The following TNFSF11 variants were observed in gnomAD, a reference collection of about 807,000 sequenced individuals.
The protein encoded by TNFSF11 is tumor necrosis factor ligand superfamily member 11.
A neutral mutation model predicts 32.2 loss-of-function variants in TNFSF11; 12 were observed. The ratio of observed to expected loss-of-function variants is 0.37; its 90% confidence interval spans 0.24 to 0.60. TNFSF11 has a LOEUF of 0.60. Ranked by LOEUF, TNFSF11 falls within the 20% of genes least tolerant of loss-of-function variation. The pLI, the probability that TNFSF11 is intolerant of heterozygous loss-of-function variation, is 0.66. For missense variants in TNFSF11, 345 were observed against 398.0 expected (o/e 0.87, Z 1.13); for synonymous variants, 172 against 152.1 (o/e 1.13, Z -0.96).
At chr13:42,584,209 G>C (rs1451899399) in intron 2 of TNFSF11, among the ~76,000 whole-genome samples, 3 of 152,162 alleles carry the variant, frequency 2.0e-5, no homozygotes, top group Non-Finnish European at 4.4e-5. Context: ...CAAATCCATG[G>C]AAGAGAACAA....
chr13:42,569,686 G>C (rs1385234689), upstream of TNFSF11, among the ~76,000 whole-genome samples: 1 of 152,182 alleles, frequency 6.6e-6, no homozygotes, highest in Admixed American at 6.5e-5. Flanking sequence ...AGGAACCAAG[G>C]AATTTAGGTG....
At chr13:42,596,502 G>A (rs185090788) in intron 2 of TNFSF11, among the ~76,000 whole-genome samples, 35 of 152,274 alleles carry the variant, frequency 2.3e-4, no homozygotes. Flanking sequence ...ACGATGGCTT[G>A]TAAAAGGATA....
At chr13:42,594,305 C>T (rs1454285362) in intron 2 of TNFSF11, among the ~76,000 whole-genome samples, 1 of 151,982 alleles carries the variant, frequency 6.6e-6, no homozygotes, top group African/African-American at 2.4e-5. Flanking sequence ...TGGTCTTGAA[C>T]TCCTGGCCTG....
intron 1 of TNFSF11, chr13:42,563,043 T>A (rs1872728158): frequency 6.6e-6 from 1 of 152,096 alleles, no homozygotes; most frequent in Admixed American, 6.5e-5. Context: ...ATGTTTCCAG[T>A]GGGAAAATCT....
chr13:42,574,554 T>G (rs1873213839), intron 1 of TNFSF11, 32 bp downstream of exon 1: 1 of 1,595,828 alleles, frequency 6.3e-7, no homozygotes. Flanking sequence ...GGATCGCGGC[T>G]GAGAGCGCCC....
At chr13:42,594,624 A>G (rs1276696145) in intron 2 of TNFSF11, among the ~76,000 whole-genome samples, 7 of 152,292 alleles carry the variant, frequency 4.6e-5, no homozygotes, top group African/African-American at 1.7e-4. Context: ...TTATTCTTAC[A>G]CAGTACCATC....
chr13:42,596,013 A>G (rs1413008818), intron 2 of TNFSF11, among the ~76,000 whole-genome samples: 1 of 152,208 alleles, frequency 6.6e-6, no homozygotes, highest in Non-Finnish European at 1.5e-5. Flanking sequence ...GGAATTGTCA[A>G]TTGGGGTGAA....
At chr13:42,569,772 T>G (rs549594580), upstream of TNFSF11, among the ~76,000 whole-genome samples, 170 of 152,166 alleles carry the variant, frequency 1.1e-3, no homozygotes, top group Admixed American at 3.3e-3. Context: ...TGACTTCCTT[T>G]TTCATTTTCA....
rs746686599 is a variant in TNFSF11, at chr13:42,606,725, C to T, written c.761C>T (p.Thr254Ile). ...AGCATCAAAATCCCAAGTTCTCATA[C>T]CCTGATGAAAGGAGGAAGCACCAAG... ...KTSIKIPSSH[T>I]LMKGGSTKYW... Residue 254 changes from threonine (T) to isoleucine (I), a missense_variant, in exon 5 of 5, where the codon ACC (threonine) becomes ATC (isoleucine). Transcript: ENST00000398795. The T allele has an allele frequency of 1.1e-5, 17 of 1,614,058 alleles. No homozygotes were observed. In the South Asian group the frequency reaches 1.5e-4, roughly 15 times the overall value.
intron 1 of TNFSF11, among the ~76,000 whole-genome samples, chr13:42,577,024 T>C (rs751963439): frequency 1.3e-5 from 2 of 152,342 alleles, no homozygotes; most frequent in South Asian, 2.1e-4. Context: ...CTCTTTTGGA[T>C]TGGAACTTGG....
At chr13:42,600,103 T>C (rs376541457) in intron 2 of TNFSF11, among the ~76,000 whole-genome samples, 32 of 152,324 alleles carry the variant, frequency 2.1e-4, no homozygotes, top group Admixed American at 9.2e-4. Flanking sequence ...ATTCTCAGGG[T>C]TCAAATTGAG....
chr13:42,599,566 GT>G (rs1171270451), intron 2 of TNFSF11, among the ~76,000 whole-genome samples: 1 of 150,750 alleles, frequency 6.6e-6, no homozygotes, highest in East Asian at 2.0e-4. Context: ...TTTGTTTTTT[GT>G]TTTTGTTTTT....
intron 2 of TNFSF11, among the ~76,000 whole-genome samples, chr13:42,594,405 G>GA (rs947851761): frequency 3.8e-4 from 56 of 146,434 alleles, no homozygotes; most frequent in South Asian, 2.6e-3. Flanking sequence ...TTTGTAAGTT[G>GA]AAAAAAAAAA....
At chr13:42,599,365 T>TATC (rs1187530800) in intron 2 of TNFSF11, among the ~76,000 whole-genome samples, 1 of 151,402 alleles carries the variant, frequency 6.6e-6, no homozygotes, top group Non-Finnish European at 1.5e-5. Flanking sequence ...TCTATCTATC[T>TATC]ATCTATCTAT....
intron 2 of TNFSF11, 41 bp from the exon 3 acceptor site, chr13:42,600,711 A>G: frequency 6.4e-7 from 1 of 1,564,354 alleles, no homozygotes; most frequent in Non-Finnish European, 8.7e-7. Context: ...TTACAGAAAG[A>G]ATGATTTTAT....
intron 4 of TNFSF11, among the ~76,000 whole-genome samples, chr13:42,604,345 C>G (rs1258068738): frequency 1.3e-5 from 2 of 152,184 alleles, no homozygotes; most frequent in Non-Finnish European, 2.9e-5. Context: ...GTATTTATAT[C>G]TGGGGTGCTT....
chr13:42,588,564 TC>T (rs2137882058), intron 2 of TNFSF11, among the ~76,000 whole-genome samples: 1 of 152,296 alleles, frequency 6.6e-6, no homozygotes, highest in South Asian at 2.1e-4. Flanking sequence ...ATTGGATTGT[TC>T]TACCAGCAGC....
At chr13:42,584,101 A>G (rs1417341812) in intron 2 of TNFSF11, among the ~76,000 whole-genome samples, 4 of 152,162 alleles carry the variant, frequency 2.6e-5, no homozygotes, top group Non-Finnish European at 5.9e-5. Flanking sequence ...AAAACTAGAA[A>G]CCTCTACAGA....
chr13:42,576,698 G>A (rs1873333631), intron 1 of TNFSF11, among the ~76,000 whole-genome samples: 1 of 152,078 alleles, frequency 6.6e-6, no homozygotes. Flanking sequence ...CCACTAGATC[G>A]GGATGCATTT....
Sources: gnomAD v4.1 joint callset for allele counts (sites outside exome capture counted in the v4.1 genomes callset) on GRCh38, gnomAD v4.1.1 for gene constraint, MANE v1.5 for transcripts, NCBI Gene and HGNC (gene_info 2026-07-23, HGNC 2026-07-21) for gene names.